NCKAP5: variants seen among roughly 807,000 people sequenced by gnomAD.
The protein encoded by NCKAP5 is NCK associated protein 5, also known as nck-associated protein 5.
A neutral mutation model predicts 167.0 loss-of-function variants in NCKAP5; 92 were observed. The observed-to-expected ratio is 0.55, with a 90% CI of 0.47 to 0.66. The LOEUF (loss-of-function observed/expected upper bound fraction) is 0.66, where lower values mean the gene tolerates loss of function less well. NCKAP5 is among the 30% of genes least tolerant of loss of function. NCKAP5 has a pLI of 0.00. For synonymous variants in NCKAP5, 891 were observed against 877.4 expected (o/e 1.02, Z -0.27); for missense variants, 2,378 against 2,315.0 (o/e 1.03, Z -0.56).
chr2:132,920,773 A>ATGTATGTATG lies in NCKAP5; in HGVS notation c.580-41858_580-41857insCATACATACA, dbSNP rs1175958033. On this transcript the variant is annotated intron_variant, in intron 8 of 19. Coordinates refer to ENST00000409261, the MANE Select transcript of NCKAP5 (RefSeq NM_207363.3). Reference sequence around the variant, plus strand: ...TATATATATGTATATATATGTATGTATATATATATATATATATATATATAT... The same window carrying ATGTATGTATG: ...TATATATATGTATATATATGTATGTATGTATGTATGTATATATATATATATATATATATAT... Among the ~76,000 whole-genome samples, 24 of 3,838 alleles carry ATGTATGTATG rather than the reference A, an allele frequency of 6.3e-3. 2 individuals carry two copies. The highest frequency in any genetic ancestry group is 0.011 in the African/African-American group (24 of 2,156). The allele number at this position is 3,838 out of a possible 152,430, so 2.5% of individuals were successfully genotyped here.
At chr2:132,705,958 T>C (rs541236031) in intron 19 of NCKAP5, among the ~76,000 whole-genome samples, 9 of 152,316 alleles carry the variant, frequency 5.9e-5, no homozygotes, top group African/African-American at 9.6e-5. Context: ...TATGTGTATG[T>C]CTATATGTAT....
intron 6 of NCKAP5, among the ~76,000 whole-genome samples, chr2:133,100,867 T>G (rs892143068): frequency 1.9e-4 from 29 of 152,210 alleles, no homozygotes; most frequent in Non-Finnish European, 3.4e-4. Context: ...GTTTGTATTC[T>G]TAAAATATTT....
the NCKAP5 span, among the ~76,000 whole-genome samples, chr2:133,608,055 C>A: frequency 7.2e-5 from 11 of 152,274 alleles, no homozygotes; most frequent in South Asian, 2.3e-3. Flanking sequence ...ATGTATTCAA[C>A]AAATACCTAA....
chr2:132,899,617 A>G (rs1287471198), intron 8 of NCKAP5, among the ~76,000 whole-genome samples: 2 of 152,352 alleles, frequency 1.3e-5, no homozygotes, highest in Middle Eastern at 3.4e-3. Context: ...GCTCATGCCT[A>G]TAATCTCAGC....
intron 4 of NCKAP5, among the ~76,000 whole-genome samples, chr2:133,242,588 TA>T (rs1381806068): frequency 2.0e-5 from 3 of 152,158 alleles, no homozygotes; most frequent in Non-Finnish European, 4.4e-5. Context: ...TTAACTATAT[TA>T]ATGCAAACTG....
rs1558755385 is a variant in NCKAP5, at chr2:133,526,228, A to AAGG, written c.-61-8642_-61-8641insCCT. Among the ~76,000 whole-genome samples the AAGG allele has an allele frequency of 9.7e-3, 517 of 53,366 alleles. 30 individuals are homozygous for AAGG. Among genetic ancestry groups the AAGG allele is most frequent in the East Asian group, 0.058 (85 of 1,462 alleles). The allele number at this position is 53,366 out of a possible 152,430, so 35.0% of individuals were successfully genotyped here. On this transcript the variant is annotated intron_variant, in intron 2 of 19. Transcript: ENST00000409261. ...GGAAGGAAGGAAGGAAGGAAGGAAG[A>AAGG]AAGGAAAGGAGGGAGGGAAGGAGGG...
chr2:132,982,631 T>C (rs898499771), intron 7 of NCKAP5, among the ~76,000 whole-genome samples: 33 of 152,224 alleles, frequency 2.2e-4, no homozygotes, highest in African/African-American at 7.7e-4. Context: ...GCAAGCATAG[T>C]ACACTATAGC....
intron 19 of NCKAP5, among the ~76,000 whole-genome samples, chr2:132,685,549 G>A (rs1315414790): frequency 6.6e-6 from 1 of 152,144 alleles, no homozygotes; most frequent in African/African-American, 2.4e-5. Context: ...TTAACTCAAG[G>A]TAAGGAAGCA....
chr2:133,404,324 C>A (rs1688288448), intron 3 of NCKAP5, among the ~76,000 whole-genome samples: 1 of 152,132 alleles, frequency 6.6e-6, no homozygotes, highest in Non-Finnish European at 1.5e-5. Flanking sequence ...TAGTAGTCCC[C>A]CTTATCTGCA....
chr2:132,919,162 A>C (rs1046687892), intron 8 of NCKAP5, among the ~76,000 whole-genome samples: 2 of 152,174 alleles, frequency 1.3e-5, no homozygotes, highest in African/African-American at 4.8e-5. Flanking sequence ...GAGGAAGCCA[A>C]TTTACATGTA....
At chr2:133,471,189 A>G (rs931408184) in intron 3 of NCKAP5, among the ~76,000 whole-genome samples, 2 of 152,202 alleles carry the variant, frequency 1.3e-5, no homozygotes, top group Non-Finnish European at 2.9e-5. Context: ...GAGTCCTCTC[A>G]GGTGGCATGC....
chr2:133,339,914 C>A (rs2150760573), intron 3 of NCKAP5, among the ~76,000 whole-genome samples: 1 of 152,188 alleles, frequency 6.6e-6, no homozygotes, highest in Admixed American at 6.5e-5. Flanking sequence ...TTCTAGAAAC[C>A]TTTGTGCGGT....
chr2:132,771,183 T>C (rs1226389963), intron 16 of NCKAP5, among the ~76,000 whole-genome samples: 1 of 152,128 alleles, frequency 6.6e-6, no homozygotes, highest in African/African-American at 2.4e-5. Context: ...AGGTGTGTTA[T>C]TGCTTCTGAA....
chr2:132,872,265 C>T lies in NCKAP5; in HGVS notation c.649-3291G>A, dbSNP rs560158012. 3.3e-5 allele frequency among the ~76,000 whole-genome samples: 5 copies of T among 152,308 alleles called. No individual in the cohort carries two copies. In the South Asian group the frequency reaches 1.0e-3, roughly 32 times the overall value. On this transcript the variant is annotated intron_variant, in intron 9 of 19. Coordinates refer to ENST00000409261, the MANE Select transcript of NCKAP5 (RefSeq NM_207363.3). ...CAGGGCTGCAGGTGAGACAGGAATG[C>T]CAAGGAGAGCGCCTGAGTACATCTC...
At chr2:133,477,167 C>T (rs560092981) in intron 3 of NCKAP5, among the ~76,000 whole-genome samples, 10 of 152,182 alleles carry the variant, frequency 6.6e-5, no homozygotes, top group Non-Finnish European at 1.2e-4. Context: ...CATTGTGCTA[C>T]GAGACTCTAA....
chr2:132,785,145 T>A lies in NCKAP5; in HGVS notation c.1666A>T (p.Thr556Ser). 1 of 1,609,896 alleles carries A rather than the reference T, an allele frequency of 6.2e-7. No individual in the cohort carries two copies. Among genetic ancestry groups the A allele is most frequent in the South Asian group, 1.1e-5 (1 of 90,468 alleles). ...CCCCTCTCCCTCTGTACCTGAGGCG[T>A]CTGCACACTTGGGCACAGCTTCATC... ...LEMKLCPSVQ[T>S]PQVQRERGPQ... Residue 556 changes from threonine to serine, a missense_variant, in exon 14 of 20, where the codon ACG becomes TCG. This residue lies in a region of NCKAP5 where 1,049 missense variants were observed against 1,023.4 expected (regional missense o/e 1.02). Transcript: ENST00000409261.
chr2:132,934,579 G>T (rs1024697077), intron 8 of NCKAP5, among the ~76,000 whole-genome samples: 3 of 151,724 alleles, frequency 2.0e-5, no homozygotes, highest in African/African-American at 7.3e-5. Context: ...CTCGAACAAA[G>T]AAAATTTTGT....
chr2:132,827,820 T>C (rs1558828742), intron 11 of NCKAP5, among the ~76,000 whole-genome samples: 1 of 152,192 alleles, frequency 6.6e-6, no homozygotes, highest in Non-Finnish European at 1.5e-5. Flanking sequence ...GCCTCTAAGA[T>C]AGACAGGTTT....
At chr2:133,062,153 T>C (rs1339771370) in intron 6 of NCKAP5, among the ~76,000 whole-genome samples, 2 of 152,216 alleles carry the variant, frequency 1.3e-5, no homozygotes, top group African/African-American at 4.8e-5. Context: ...ATAATGGACA[T>C]GGTAAAACCT....
Sources: gnomAD v4.1 joint callset for allele counts (sites outside exome capture counted in the v4.1 genomes callset) on GRCh38, gnomAD v4.1.1 for gene constraint, gnomAD v4.1.1 regional missense constraint, MANE v1.5 for transcripts, NCBI Gene and HGNC (gene_info 2026-07-23, HGNC 2026-07-21) for gene names.